WDR47: variants seen among roughly 807,000 people sequenced by gnomAD.
WDR47 encodes the protein WD repeat-containing protein 47.
A neutral mutation model predicts 97.2 loss-of-function variants in WDR47; 32 were observed. That is an observed-to-expected ratio of 0.33 (90% CI 0.25 to 0.44). The LOEUF (loss-of-function observed/expected upper bound fraction) is 0.44. Ranked by LOEUF, WDR47 falls within the 20% of genes least tolerant of loss-of-function variation. WDR47 has a pLI of 1.00. For missense variants in WDR47, 782 were observed against 1,102.3 expected, an observed-to-expected ratio of 0.71 and a Z score of 4.11; for synonymous variants, 375 against 373.5, an observed-to-expected ratio of 1.00 and a Z score of -0.05.
intron 8 of WDR47, among the ~76,000 whole-genome samples, chr1:108,994,588 T>C (rs1239803926): frequency 6.6e-6 from 1 of 151,624 alleles, no homozygotes; most frequent in Admixed American, 6.6e-5. Flanking sequence ...AAAAAAAAAT[T>C]GTATGTATAT....
chr1:109,019,010 A>G (rs1159302345), intron 2 of WDR47, among the ~76,000 whole-genome samples: 2 of 151,956 alleles, frequency 1.3e-5, no homozygotes, highest in Non-Finnish European at 2.9e-5. Flanking sequence ...TCATGGCTGC[A>G]GTGACCATGA....
intron 9 of WDR47, among the ~76,000 whole-genome samples, chr1:108,989,468 A>G (rs555774150): frequency 6.6e-6 from 1 of 152,348 alleles, no homozygotes; most frequent in South Asian, 2.1e-4. Context: ...AGTGAATTGA[A>G]TTCTGATATT....
chr1:108,975,023 T>C (rs572428157), intron 13 of WDR47, among the ~76,000 whole-genome samples: 10 of 152,262 alleles, frequency 6.6e-5, no homozygotes, highest in Admixed American at 2.0e-4. Flanking sequence ...TATAGTGCAA[T>C]AGATGAGCCA....
intron 2 of WDR47, among the ~76,000 whole-genome samples, chr1:109,021,548 G>A (rs1206091806): frequency 4.1e-5 from 6 of 145,354 alleles, no homozygotes; most frequent in East Asian, 2.0e-4. Context: ...AAAAAAAGGC[G>A]CAAGTATAAA....
chr1:109,029,733 C>T (rs1662482246), intron 1 of WDR47, among the ~76,000 whole-genome samples: 2 of 149,868 alleles, frequency 1.3e-5, no homozygotes, highest in African/African-American at 2.5e-5. Flanking sequence ...AAAAATTACC[C>T]GGGCGTGGTG....
chr1:108,983,472 A>G, intron 10 of WDR47, 21 bp from the exon 11 acceptor site: 1 of 1,519,028 alleles, frequency 6.6e-7, no homozygotes, highest in Non-Finnish European at 8.8e-7. Flanking sequence ...AAATTACAGA[A>G]ATATATTTCA....
intron 13 of WDR47, among the ~76,000 whole-genome samples, chr1:108,977,338 A>C (rs1657989374): frequency 6.6e-6 from 1 of 151,672 alleles, no homozygotes; most frequent in Non-Finnish European, 1.5e-5. Flanking sequence ...ATTTTTAGTA[A>C]AGGCAGGGTT....
At chr1:108,978,344 T>C (rs537116235) in intron 13 of WDR47, among the ~76,000 whole-genome samples, 3 of 152,054 alleles carry the variant, frequency 2.0e-5, no homozygotes, top group African/African-American at 4.8e-5. Flanking sequence ...CTGGGCATGG[T>C]AGCAGGCGCC....
chr1:109,028,536 T>A (rs1406930854), intron 1 of WDR47, among the ~76,000 whole-genome samples: 1 of 151,442 alleles, frequency 6.6e-6, no homozygotes, highest in Admixed American at 6.6e-5. Flanking sequence ...TTAATTGTTT[T>A]CAAAAACTTA....
At chr1:109,031,870 G>A (rs1662629456) in intron 1 of WDR47, among the ~76,000 whole-genome samples, 1 of 124,910 alleles carries the variant, frequency 8.0e-6, no homozygotes, top group African/African-American at 2.9e-5. Context: ...CACGATCTTA[G>A]CTCACTGCAG....
intron 7 of WDR47, among the ~76,000 whole-genome samples, chr1:108,999,185 C>G (rs148859950): frequency 0.024 from 3,701 of 151,348 alleles, 136 homozygotes; most frequent in African/African-American, 0.085. Context: ...TGAGATCGCG[C>G]CACTGCACTC....
At chr1:109,014,513 C>T (rs1426335604) in intron 3 of WDR47, among the ~76,000 whole-genome samples, 2 of 151,818 alleles carry the variant, frequency 1.3e-5, no homozygotes, top group Non-Finnish European at 2.9e-5. Flanking sequence ...CAGCTCACTA[C>T]AGCCTCAAAC....
In WDR47 at chr1:108,999,718, C is replaced by G. The variant is rs1467742243; in HGVS notation, c.1433+2506G>C. Among the ~76,000 whole-genome samples the G allele has an allele frequency of 2.0e-5, 3 of 151,588 alleles. No homozygotes were observed. The East Asian group carries it at 5.8e-4, about 29-fold the overall frequency. Reference sequence around the variant, plus strand: ...GAATTTAAATTCTATTTATGATTGTCTATAAAGGAAAGATGAACCTTCCCG... The same window carrying G: ...GAATTTAAATTCTATTTATGATTGTGTATAAAGGAAAGATGAACCTTCCCG... On this transcript the variant is annotated intron_variant, in intron 7 of 14. Coordinates refer to ENST00000369962, the MANE Select transcript of WDR47 (RefSeq NM_001142551.2).
rs35413882 is a variant in WDR47, at chr1:109,032,505, C to CAAA, written c.-9-8987_-9-8985dup. 2.0e-4 allele frequency among the ~76,000 whole-genome samples: 17 copies of CAAA among 84,998 alleles called. No individual in the cohort carries two copies. In the East Asian group the frequency reaches 2.4e-3, roughly 12 times the overall value. The allele number at this position is 84,998 out of a possible 152,430, so 55.8% of individuals were successfully genotyped here. A position where few individuals can be genotyped will look rare whatever the true frequency, so the allele number is the denominator to read the frequency against. Reference sequence around the variant, plus strand: ...CTTGGGCGACAGAGCGAGACTGTCTCAAAAAAAAAAAAAAAAGATTTTCTT... The same window carrying CAAA: ...CTTGGGCGACAGAGCGAGACTGTCTCAAAAAAAAAAAAAAAAAAAGATTTTCTT... On this transcript the variant is annotated intron_variant, in intron 1 of 14. Transcript: ENST00000369962.
In WDR47 at chr1:109,018,843, G is replaced by A. The variant is rs529858182; in HGVS notation, c.159-1242C>T. Among the ~76,000 whole-genome samples, 6 of 151,854 alleles carry A rather than the reference G, an allele frequency of 4.0e-5. No individual in the cohort carries two copies. The South Asian group carries it at 1.0e-3, about 26-fold the overall frequency. On this transcript the variant is annotated intron_variant, in intron 2 of 14. Transcript: ENST00000369962. ...AAACACACACAAAAAAGAAAGAACA[G>A]GTGATCATTTGAGCCCAGCAGTTCA...
chr1:108,999,385 A>C (rs529301539), intron 7 of WDR47, among the ~76,000 whole-genome samples: 3 of 152,076 alleles, frequency 2.0e-5, no homozygotes, highest in Admixed American at 6.5e-5. Flanking sequence ...AATACACTCT[A>C]AACAAACCTA....
intron 1 of WDR47, among the ~76,000 whole-genome samples, chr1:109,036,793 C>A (rs1662985799): frequency 6.6e-6 from 1 of 150,740 alleles, no homozygotes; most frequent in Admixed American, 6.6e-5. Flanking sequence ...CGAGATCATG[C>A]CACTGCACTA....
intron 7 of WDR47, among the ~76,000 whole-genome samples, chr1:108,999,831 T>C (rs993132196): frequency 1.3e-5 from 2 of 152,210 alleles, no homozygotes; most frequent in Admixed American, 1.3e-4. Context: ...ATCTTCTCAC[T>C]GCTAGATATC....
intron 10 of WDR47, among the ~76,000 whole-genome samples, chr1:108,983,888 T>G (rs909099995): frequency 6.6e-5 from 10 of 152,172 alleles, no homozygotes; most frequent in Non-Finnish European, 1.0e-4. Flanking sequence ...TGTCCAGAGT[T>G]TAAAATCTGG....
Sources: gnomAD v4.1 joint callset for allele counts (sites outside exome capture counted in the v4.1 genomes callset) on GRCh38, gnomAD v4.1.1 for gene constraint, MANE v1.5 for transcripts, NCBI Gene and HGNC (gene_info 2026-07-23, HGNC 2026-07-21) for gene names.